Variants in CSMD2 observed in about 807,000 individuals in gnomAD.
CSMD2 encodes CUB and Sushi multiple domains 2, also known as CUB and sushi domain-containing protein 2.
CSMD2 carries 130 observed loss-of-function variants against 398.5 expected under a neutral mutation model. That is an observed-to-expected ratio of 0.33 (90% CI 0.28 to 0.38). The LOEUF (loss-of-function observed/expected upper bound fraction) is 0.38, where lower values mean the gene tolerates loss of function less well. CSMD2 is among the 10% of genes least tolerant of loss of function. CSMD2 has a pLI of 1.00. For synonymous variants in CSMD2, 1,828 were observed against 1,908.5 expected, an observed-to-expected ratio of 0.96 and a Z score of 1.10; for missense variants, 3,829 against 4,764.9, an observed-to-expected ratio of 0.80 and a Z score of 5.78.
At chr1:33,908,609 C>T (rs911921955) in intron 5 of CSMD2, among the ~76,000 whole-genome samples, 2 of 152,248 alleles carry the variant, frequency 1.3e-5, no homozygotes, top group Non-Finnish European at 2.9e-5. Context: ...TTAGCAGAGC[C>T]GCTGTGCCCA....
chr1:34,089,003 T>C lies in CSMD2; in HGVS notation c.378A>G (p.Pro126=). Residue 126 remains proline (P), a synonymous_variant, in exon 2 of 71, where the codon CCA becomes CCG. Transcript: ENST00000373381. The part of the protein sequence containing the change: ...DFDVLSVFDG[P]PQPENLRTRL... ...TCGTACGCAGATTCTCTGGCTGGGG[T>C]GGACCATCAAACACCGACAGGACAT... is the stretch of plus-strand genomic sequence containing the variant. 6.2e-7 allele frequency: 1 copy of C among 1,613,588 alleles called. No homozygotes were observed. Among genetic ancestry groups the C allele is most frequent in the South Asian group, 1.1e-5 (1 of 91,050 alleles).
intron 25 of CSMD2, among the ~76,000 whole-genome samples, chr1:33,663,668 G>A (rs1644217498): frequency 6.6e-6 from 1 of 152,140 alleles, no homozygotes; most frequent in Admixed American, 6.5e-5. Context: ...ACCTCAGGAG[G>A]CCAGGTGGGA....
At chr1:33,750,825 G>GA (rs1464365980) in intron 13 of CSMD2, among the ~76,000 whole-genome samples, 1 of 152,098 alleles carries the variant, frequency 6.6e-6, no homozygotes. Flanking sequence ...AGTCCTAGAA[G>GA]AAAATATAAG....
intron 6 of CSMD2, chr1:33,839,879 G>A (rs1660674184): frequency 6.5e-6 from 1 of 154,144 alleles, no homozygotes; most frequent in Admixed American, 6.5e-5. Context: ...AAGAATTCAG[G>A]TGTTGAAGGA....
rs747642249 is a variant in CSMD2 at position 33,724,590 on chromosome 1, T to A, written c.2810A>T (p.Tyr937Phe). Residue 937 changes from tyrosine to phenylalanine, a missense_variant, in exon 18 of 71, where the codon TAC becomes TTC. This residue lies in a region of CSMD2 where 2,001 missense variants were observed against 2,567.1 expected (regional missense o/e 0.78). Transcript: ENST00000373381. ...ALVTFSCDSG[Y>F]TLSDGEPLEC... is the part of the protein sequence containing the mutation. Reference sequence around the variant, plus strand: ...CAGAGGCTCCCCGTCACTTAATGTGTAGCCCGAGTCACAGCTGAAGGTCAC... The same window carrying A: ...CAGAGGCTCCCCGTCACTTAATGTGAAGCCCGAGTCACAGCTGAAGGTCAC... 9.9e-6 allele frequency: 16 copies of A among 1,614,210 alleles called. No homozygotes were observed. The South Asian group carries it at 1.6e-4, about 17-fold the overall frequency.
chr1:34,025,333 A>G (rs10914846), intron 3 of CSMD2, among the ~76,000 whole-genome samples: 14,443 of 152,018 alleles, frequency 0.095, 1,071 homozygotes, highest in East Asian at 0.34. Context: ...GGGAGGGGAG[A>G]TAGACTAGGG....
At position 33,559,595 on chromosome 1, in the gene CSMD2, T is replaced by C; in HGVS notation, c.8381-122A>G. 1 of 832,562 alleles carries C rather than the reference T, an allele frequency of 1.2e-6. No homozygotes were observed. The highest frequency in any genetic ancestry group is 1.7e-5 in the South Asian group (1 of 57,170). 51.6% of individuals were successfully genotyped at this position (832,562 alleles called of 1,614,324 possible). Reference sequence around the variant, plus strand: ...AGTTCAGCCCTAAGTCTAACTTCAATCTCTTTTGCTGTAAAACCTTTATAA... The same window carrying C: ...AGTTCAGCCCTAAGTCTAACTTCAACCTCTTTTGCTGTAAAACCTTTATAA... On this transcript the variant is annotated intron_variant, in intron 53 of 70. Transcript: ENST00000373381. The surrounding 1 kb of genome is among the most constrained non-coding windows in gnomAD (Gnocchi z 4.0).
At chr1:33,682,732 C>T (rs2149071563) in intron 25 of CSMD2, among the ~76,000 whole-genome samples, 2 of 152,244 alleles carry the variant, frequency 1.3e-5, no homozygotes, top group African/African-American at 4.8e-5. Context: ...AGCTCCTATA[C>T]CCTTGGTCTG....
intron 5 of CSMD2, among the ~76,000 whole-genome samples, chr1:33,855,864 G>A (rs908208718): frequency 3.3e-5 from 5 of 152,194 alleles, no homozygotes; most frequent in Non-Finnish European, 7.3e-5. Context: ...CTCTGCCTAA[G>A]TAAAGATGAC....
chr1:33,676,980 C>A (rs868043580), intron 25 of CSMD2, among the ~76,000 whole-genome samples: 65 of 152,062 alleles, frequency 4.3e-4, no homozygotes, highest in African/African-American at 1.2e-3. Context: ...TAAAGACTTA[C>A]ATGTTAGACC....
chr1:33,569,593 G>C, intron 51 of CSMD2, 46 bp from the exon 52 acceptor site: 1 of 1,583,624 alleles, frequency 6.3e-7, no homozygotes, highest in Non-Finnish European at 8.6e-7. Flanking sequence ...CAAGAGGAGG[G>C]ACATGGCTGC....
intron 37 of CSMD2, among the ~76,000 whole-genome samples, chr1:33,617,848 G>A (rs1641493897): frequency 6.6e-6 from 1 of 152,172 alleles, no homozygotes; most frequent in African/African-American, 2.4e-5. Flanking sequence ...TTGAGAAGGT[G>A]GGTGTGATCC....
intron 15 of CSMD2, among the ~76,000 whole-genome samples, chr1:33,732,129 C>A: frequency 6.6e-6 from 1 of 152,218 alleles, no homozygotes; most frequent in South Asian, 2.1e-4. Context: ...CACATGCACA[C>A]ACACACACAC....
At chr1:34,017,197 T>G (rs1319660462) in intron 3 of CSMD2, among the ~76,000 whole-genome samples, 1 of 152,204 alleles carries the variant, frequency 6.6e-6, no homozygotes, top group Non-Finnish European at 1.5e-5. Flanking sequence ...CCTACTCCAA[T>G]TTAGGGTAAT....
intron 1 of CSMD2, among the ~76,000 whole-genome samples, chr1:34,151,371 A>T (rs998953899): frequency 6.6e-6 from 1 of 152,046 alleles, no homozygotes; most frequent in Admixed American, 6.6e-5. Flanking sequence ...TTGATGACAG[A>T]GGTATGGGGT....
chr1:33,622,024 T>C, intron 37 of CSMD2, 143 bp downstream of exon 37: 1 of 691,788 alleles, frequency 1.4e-6, no homozygotes, highest in Non-Finnish European at 2.6e-6. Context: ...TTCTCTGGGC[T>C]TTAGCATCTT....
intron 6 of CSMD2, among the ~76,000 whole-genome samples, chr1:33,831,809 G>A (rs1659602868): frequency 6.6e-6 from 1 of 151,304 alleles, no homozygotes; most frequent in Non-Finnish European, 1.5e-5. Context: ...ATAAAAGGAT[G>A]GAGGAAGATC....
chr1:33,932,629 G>A (rs1382458462), intron 4 of CSMD2, among the ~76,000 whole-genome samples: 1 of 152,194 alleles, frequency 6.6e-6, no homozygotes, highest in Non-Finnish European at 1.5e-5. Flanking sequence ...ACACTGGGTT[G>A]TGAGCCTTGA....
intron 2 of CSMD2, among the ~76,000 whole-genome samples, chr1:34,081,735 G>C (rs144659633): frequency 0.013 from 1,952 of 152,278 alleles, 35 homozygotes; most frequent in African/African-American, 0.043. Context: ...GCAGTGGCCT[G>C]ATCTCAGCTC....
Sources: allele counts gnomAD v4.1 joint callset (sites outside exome capture counted in the v4.1 genomes callset), GRCh38; gene constraint gnomAD v4.1.1; regional missense constraint gnomAD v4.1.1; non-coding constraint Gnocchi (gnomAD v3.1); transcripts MANE v1.5; gene names NCBI Gene and HGNC (gene_info 2026-07-23, HGNC 2026-07-21).